Variants in PALM2AKAP2 observed in about 807,000 individuals in gnomAD.
PALM2AKAP2 encodes PALM2 and AKAP2 fusion.
A neutral mutation model predicts 71.5 loss-of-function variants in PALM2AKAP2; 37 were observed. The observed-to-expected ratio is 0.52, with a 90% CI of 0.40 to 0.68. The LOEUF (loss-of-function observed/expected upper bound fraction) is 0.68. Ranked by LOEUF, PALM2AKAP2 falls within the 30% of genes least tolerant of loss-of-function variation. The probability of loss-of-function intolerance (pLI) is 0.00; values close to 1 mark genes in which losing one functional copy is unlikely to be tolerated. For synonymous variants in PALM2AKAP2, 468 were observed against 478.8 expected, an observed-to-expected ratio of 0.98 and a Z score of 0.29; for missense variants, 1,224 against 1,191.8, an observed-to-expected ratio of 1.03 and a Z score of -0.40.
chr9:109,709,484 C>A (rs10980010), intron 1 of PALM2AKAP2, among the ~76,000 whole-genome samples: 61,916 of 151,982 alleles, frequency 0.41, 12,746 homozygotes, highest in South Asian at 0.51. Context: ...TCAACACTAT[C>A]TTTTACCGTC....
At chr9:109,931,273 A>C (rs886469623) in intron 5 of PALM2AKAP2, among the ~76,000 whole-genome samples, 4 of 152,192 alleles carry the variant, frequency 2.6e-5, no homozygotes, top group African/African-American at 9.7e-5. Context: ...TCCTTCTTTT[A>C]CATAGCAACA....
At chr9:109,702,184 G>T (rs1345349648) in intron 1 of PALM2AKAP2, among the ~76,000 whole-genome samples, 2 of 151,940 alleles carry the variant, frequency 1.3e-5, no homozygotes, top group East Asian at 1.9e-4. Context: ...TCAGTGTGGC[G>T]ATTCCTCAGG....
intron 1 of PALM2AKAP2, among the ~76,000 whole-genome samples, chr9:109,801,884 GT>G (rs1384181885): frequency 6.6e-6 from 1 of 152,204 alleles, no homozygotes; most frequent in Non-Finnish European, 1.5e-5. Flanking sequence ...AGCAGCTCTA[GT>G]CTCACAAAGC....
At chr9:109,829,726 A>G (rs1440032659) in intron 1 of PALM2AKAP2, among the ~76,000 whole-genome samples, 1 of 151,764 alleles carries the variant, frequency 6.6e-6, no homozygotes, top group Non-Finnish European at 1.5e-5. Context: ...TGCAGTTCTC[A>G]TTGTCTTCAA....
intron 6 of PALM2AKAP2, among the ~76,000 whole-genome samples, chr9:109,975,060 G>GCACACA (rs35855395): frequency 3.3e-4 from 49 of 149,424 alleles, no homozygotes; most frequent in South Asian, 6.4e-4. Flanking sequence ...ATCTGCACGT[G>GCACACA]CACACACACA....
intron 1 of PALM2AKAP2, among the ~76,000 whole-genome samples, chr9:109,722,638 G>A (rs567293645): frequency 5.8e-4 from 89 of 152,162 alleles, no homozygotes; most frequent in African/African-American, 2.0e-3. Flanking sequence ...CAGGCGTGGT[G>A]GCATGCACCC....
chr9:109,704,316 G>A (rs1419611452), intron 1 of PALM2AKAP2, among the ~76,000 whole-genome samples: 1 of 152,204 alleles, frequency 6.6e-6, no homozygotes, highest in Non-Finnish European at 1.5e-5. Flanking sequence ...CCACAGCTAA[G>A]CCAGTGCTGG....
intron 3 of PALM2AKAP2, among the ~76,000 whole-genome samples, chr9:109,899,367 T>C (rs930410656): frequency 2.0e-5 from 3 of 152,202 alleles, no homozygotes; most frequent in Non-Finnish European, 4.4e-5. Context: ...TGATTCCTTC[T>C]ACACTTTTTC....
chr9:109,700,438 C>T lies in PALM2AKAP2; in HGVS notation c.5+59572C>T, dbSNP rs112839482. Among the ~76,000 whole-genome samples, 1,476 of 152,246 alleles carry T rather than the reference C, an allele frequency of 9.7e-3. 21 individuals carry two copies. Among genetic ancestry groups the T allele is most frequent in the African/African-American group, 0.033 (1,372 of 41,522 alleles). On this transcript the variant is annotated intron_variant, in intron 1 of 6. Coordinates refer to the PALM2AKAP2 transcript ENST00000374531. ...CCCCAGTCATGTGGAACTGTGAGTC[C>T]GTTAAACATCTTTCCTTTATAAATT...
chr9:109,897,837 G>C (rs1485809308), intron 3 of PALM2AKAP2, among the ~76,000 whole-genome samples: 1 of 152,108 alleles, frequency 6.6e-6, no homozygotes, highest in Non-Finnish European at 1.5e-5. Context: ...TTTTAGAAAT[G>C]ACTTTTGTGT....
At chr9:110,037,597 A>G (rs1452410774) in intron 7 of PALM2AKAP2, among the ~76,000 whole-genome samples, 1 of 152,200 alleles carries the variant, frequency 6.6e-6, no homozygotes. Flanking sequence ...ACTTATGTAG[A>G]TTACACTTCA....
At chr9:109,988,692 G>A (rs1427589381) in intron 6 of PALM2AKAP2, among the ~76,000 whole-genome samples, 4 of 151,088 alleles carry the variant, frequency 2.6e-5, no homozygotes, top group Non-Finnish European at 5.9e-5. Flanking sequence ...AAGGAAGGGC[G>A]GGAGGAGGAA....
At chr9:110,144,370 G>A (rs1408241236) in intron 2 of PALM2AKAP2, among the ~76,000 whole-genome samples, 3 of 152,194 alleles carry the variant, frequency 2.0e-5, no homozygotes, top group Admixed American at 2.0e-4. Flanking sequence ...CATATTTCTA[G>A]AACATTCTCT....
At chr9:109,830,104 T>C (rs1325534147) in intron 1 of PALM2AKAP2, among the ~76,000 whole-genome samples, 2 of 152,214 alleles carry the variant, frequency 1.3e-5, no homozygotes, top group African/African-American at 4.8e-5. Context: ...CAAGGAAACT[T>C]TCTTTATCTG....
At chr9:109,713,656 G>T in intron 1 of PALM2AKAP2, among the ~76,000 whole-genome samples, 1 of 152,162 alleles carries the variant, frequency 6.6e-6, no homozygotes, top group East Asian at 1.9e-4. Flanking sequence ...AAGCAGATCT[G>T]AAGAAACGAC....
chr9:109,949,303 G>T (rs1327877994), intron 6 of PALM2AKAP2, among the ~76,000 whole-genome samples: 1 of 152,182 alleles, frequency 6.6e-6, no homozygotes, highest in African/African-American at 2.4e-5. Flanking sequence ...GGATCTGGGA[G>T]CATATTTTTA....
intron 1 of PALM2AKAP2, among the ~76,000 whole-genome samples, chr9:109,667,065 G>A (rs1286366291): frequency 6.6e-6 from 1 of 152,130 alleles, no homozygotes; most frequent in Non-Finnish European, 1.5e-5. Context: ...AGGATTCAGT[G>A]GACAGTTCTT....
At chr9:110,000,183 C>A (rs1351872204) in intron 6 of PALM2AKAP2, among the ~76,000 whole-genome samples, 2 of 147,304 alleles carry the variant, frequency 1.4e-5, no homozygotes, top group African/African-American at 5.0e-5. Context: ...CACAACAGGC[C>A]CCCGGTGTGT....
chr9:109,848,626 C>T (rs1554720377), intron 1 of PALM2AKAP2, among the ~76,000 whole-genome samples: 1 of 152,024 alleles, frequency 6.6e-6, no homozygotes, highest in Non-Finnish European at 1.5e-5. Flanking sequence ...TATGTATTGT[C>T]TATAGCTGCT....
Sources: gnomAD v4.1 joint callset for allele counts (sites outside exome capture counted in the v4.1 genomes callset) on GRCh38, gnomAD v4.1.1 for gene constraint, MANE v1.5 for transcripts, NCBI Gene and HGNC (gene_info 2026-07-23, HGNC 2026-07-21) for gene names.